Variants in GFRAL observed in about 807,000 individuals in gnomAD.
GFRAL encodes GDNF family receptor alpha like.
GFRAL carries 36 observed loss-of-function variants against 45.4 expected under a neutral mutation model. That is an observed-to-expected ratio of 0.79 (90% confidence interval 0.61 to 1.05). GFRAL has a LOEUF of 1.05. Among genes scored for constraint, GFRAL ranks in the 50% least tolerant of loss-of-function variants. GFRAL has a pLI of 0.00. For missense variants in GFRAL, 507 were observed against 467.5 expected (o/e 1.08, Z -0.78); for synonymous variants, 166 against 154.1 (o/e 1.08, Z -0.57).
At chr6:55,369,236 T>C (rs550977687) in intron 6 of GFRAL, among the ~76,000 whole-genome samples, 1 of 152,244 alleles carries the variant, frequency 6.6e-6, no homozygotes, top group Non-Finnish European at 1.5e-5. Flanking sequence ...TTTCTTTGAC[T>C]CAGAAAGGGA....
chr6:55,357,857 A>G (rs975977442), intron 5 of GFRAL, among the ~76,000 whole-genome samples: 2 of 151,792 alleles, frequency 1.3e-5, no homozygotes. Flanking sequence ...AATAAATAGC[A>G]TGTAGGTACA....
At chr6:55,391,304 T>G (rs866756076) in intron 6 of GFRAL, among the ~76,000 whole-genome samples, 1 of 152,202 alleles carries the variant, frequency 6.6e-6, no homozygotes, top group Non-Finnish European at 1.5e-5. Context: ...CTCTTCATTT[T>G]TTCATATTAA....
At position 55,373,099 on chromosome 6, in the gene GFRAL, A is replaced by G. The variant is rs1258584179; in HGVS notation, c.952+13961A>G. Among the ~76,000 whole-genome samples the G allele has an allele frequency of 4.6e-5, 7 of 151,940 alleles. No individual in the cohort carries two copies. In the East Asian group the frequency reaches 1.4e-3, roughly 29 times the overall value. On this transcript the variant is annotated intron_variant, in intron 6 of 8. Transcript: ENST00000340465. ...GACAGCAAAACCTCAAAAAAAAAAA[A>G]AAACTTCTATTCAAAATCAGGAAAA...
At chr6:55,391,469 G>T (rs1313343522) in intron 6 of GFRAL, among the ~76,000 whole-genome samples, 2 of 152,080 alleles carry the variant, frequency 1.3e-5, no homozygotes, top group Admixed American at 6.6e-5. Context: ...AAAGACAAAG[G>T]GCTACACATA....
At chr6:55,364,231 G>A (rs891853136) in intron 6 of GFRAL, among the ~76,000 whole-genome samples, 4 of 151,398 alleles carry the variant, frequency 2.6e-5, no homozygotes, top group Admixed American at 6.6e-5. Flanking sequence ...CTGCATAAAT[G>A]TCTTCTTTTG....
chr6:55,327,591 C>T lies in GFRAL; in HGVS notation c.22+15C>T, dbSNP rs376599301. ...TATTTTCTTGGGTAAGTGAATGGTGCTTCTGGTTTATCTGAATTATTCATA... is the reference window on the plus strand; with the variant it reads ...TATTTTCTTGGGTAAGTGAATGGTGTTTCTGGTTTATCTGAATTATTCATA... On this transcript the variant is annotated intron_variant, in intron 1 of 8. Transcript: ENST00000340465. 4 of 1,610,328 alleles carry T rather than the reference C, an allele frequency of 2.5e-6. No homozygotes were observed. Among genetic ancestry groups the T allele is most frequent in the Non-Finnish European group, 3.4e-6 (4 of 1,176,860 alleles).
chr6:55,338,931 A>G (rs557033720), intron 3 of GFRAL, among the ~76,000 whole-genome samples: 12 of 152,164 alleles, frequency 7.9e-5, no homozygotes, highest in South Asian at 4.1e-4. Context: ...ATGTATCATC[A>G]GTTTCTCAAA....
chr6:55,376,571 G>A (rs1165810406), intron 6 of GFRAL, among the ~76,000 whole-genome samples: 4 of 151,848 alleles, frequency 2.6e-5, no homozygotes, highest in Non-Finnish European at 4.4e-5. Flanking sequence ...GTTCAGTCTC[G>A]GGAGGGTGAA....
chr6:55,335,258 T>G (rs1338127220), intron 3 of GFRAL, among the ~76,000 whole-genome samples: 1 of 152,188 alleles, frequency 6.6e-6, no homozygotes, highest in South Asian at 2.1e-4. Flanking sequence ...GTGCCATCTA[T>G]CTGTCTATCT....
chr6:55,344,080 T>C (rs1352250374), intron 3 of GFRAL, among the ~76,000 whole-genome samples: 4 of 151,978 alleles, frequency 2.6e-5, no homozygotes, highest in African/African-American at 9.7e-5. Flanking sequence ...CAGGACCAGA[T>C]GGATTCACAG....
chr6:55,350,756 T>A (rs978623064), intron 4 of GFRAL, among the ~76,000 whole-genome samples: 1 of 152,122 alleles, frequency 6.6e-6, no homozygotes, highest in African/African-American at 2.4e-5. Context: ...TCATATAAGT[T>A]ATTTGGCACC....
intron 3 of GFRAL, among the ~76,000 whole-genome samples, chr6:55,344,481 G>T (rs1243158145): frequency 1.3e-5 from 2 of 152,068 alleles, no homozygotes; most frequent in Non-Finnish European, 2.9e-5. Flanking sequence ...CCTTTGACAA[G>T]ATTAAACAAC....
intron 6 of GFRAL, among the ~76,000 whole-genome samples, chr6:55,397,684 AATCT>A (rs1184914110): frequency 6.6e-6 from 1 of 152,170 alleles, no homozygotes; most frequent in Admixed American, 6.6e-5. Flanking sequence ...CTGAAACTCC[AATCT>A]ATCTCTCTAC....
intron 1 of GFRAL, among the ~76,000 whole-genome samples, chr6:55,330,947 A>T (rs1341964809): frequency 6.6e-6 from 1 of 152,168 alleles, no homozygotes; most frequent in African/African-American, 2.4e-5. Context: ...CAAGATTTCT[A>T]GTTTGAGTTC....
intron 6 of GFRAL, among the ~76,000 whole-genome samples, chr6:55,397,524 C>CAAAAAAAAAAAAAAAAAAAAAA (rs70986715): frequency 3.0e-5 from 2 of 67,412 alleles, no homozygotes; most frequent in African/African-American, 5.5e-5. Context: ...GACTCCGTCT[C>CAAAAAAAAAAAAAAAAAAAAAA]AAAAAAAAAA....
chr6:55,371,188 AGGTAT>A (rs1367504579), intron 6 of GFRAL, among the ~76,000 whole-genome samples: 3 of 152,216 alleles, frequency 2.0e-5, no homozygotes, highest in African/African-American at 7.2e-5. Flanking sequence ...AATTATTTCT[AGGTAT>A]GGCCCAAATA....
chr6:55,355,639 C>A (rs1043769341), intron 5 of GFRAL, among the ~76,000 whole-genome samples: 5 of 151,874 alleles, frequency 3.3e-5, no homozygotes, highest in Non-Finnish European at 5.9e-5. Context: ...GTCTTTGGGT[C>A]TTTTCAAATA....
chr6:55,327,894 C>A (rs1471527023), intron 1 of GFRAL, among the ~76,000 whole-genome samples: 1 of 151,776 alleles, frequency 6.6e-6, no homozygotes, highest in Admixed American at 6.6e-5. Flanking sequence ...GTGTTAGAAC[C>A]TTTTAGAAAT....
At chr6:55,374,902 T>C (rs1213638477) in intron 6 of GFRAL, among the ~76,000 whole-genome samples, 3 of 152,220 alleles carry the variant, frequency 2.0e-5, no homozygotes, top group African/African-American at 7.2e-5. Context: ...CTGCTTGTTT[T>C]TGCTAGGTTT....
Sources: gnomAD v4.1 joint callset for allele counts (sites outside exome capture counted in the v4.1 genomes callset) on GRCh38, gnomAD v4.1.1 for gene constraint, MANE v1.5 for transcripts, NCBI Gene and HGNC (gene_info 2026-07-23, HGNC 2026-07-21) for gene names.